EXPH5: variants seen among roughly 807,000 people sequenced by gnomAD.
The protein encoded by EXPH5 is exophilin-5.
Under a neutral mutation model 41.1 loss-of-function variants are expected in EXPH5, and 42 were observed. The observed-to-expected ratio is 1.02, with a 90% CI of 0.80 to 1.32. The LOEUF (loss-of-function observed/expected upper bound fraction) is 1.32. Ranked by LOEUF, EXPH5 falls within the 40% of genes most tolerant of loss-of-function variation. The pLI is 0.00. For synonymous variants in EXPH5, 798 were observed against 833.5 expected, an observed-to-expected ratio of 0.96 and a Z score of 0.73; for missense variants, 2,298 against 2,314.5, an observed-to-expected ratio of 0.99 and a Z score of 0.15.
intron 1 of EXPH5, among the ~76,000 whole-genome samples, chr11:108,563,790 C>G (rs2094022956): frequency 6.6e-6 from 1 of 152,164 alleles, no homozygotes; most frequent in Non-Finnish European, 1.5e-5. Flanking sequence ...GGAAAAGGAT[C>G]AAATCCTCTT....
In EXPH5 at chr11:108,541,757, A is replaced by G; in HGVS notation, c.175T>C (p.Trp59Arg). The G allele has an allele frequency of 1.9e-6, 3 of 1,612,902 alleles. No homozygotes were observed. The highest frequency in any genetic ancestry group is 1.7e-6 in the Non-Finnish European group (2 of 1,179,368). Residue 59 changes from tryptophan to arginine, a missense_variant, in exon 2 of 6, where the codon TGG becomes CGG. Transcript: ENST00000265843. ...IRWLQGVTGE[W>R]FEEIQRKKFC... Reference sequence around the variant, plus strand: ...TTTTTTCTTTGAATTTCTTCAAACCATTCACCAGTCACTCCCTGAAGCCAT... The same window carrying G: ...TTTTTTCTTTGAATTTCTTCAAACCGTTCACCAGTCACTCCCTGAAGCCAT...
the EXPH5 span, among the ~76,000 whole-genome samples, chr11:108,605,837 C>G: frequency 6.6e-6 from 1 of 152,252 alleles, no homozygotes; most frequent in Non-Finnish European, 1.5e-5. Context: ...GGCAGGACTG[C>G]AGAACCTCCC....
At chr11:108,573,198 AAAAGAAAG>A (rs144108239) in intron 1 of EXPH5, among the ~76,000 whole-genome samples, 1 of 108,226 alleles carries the variant, frequency 9.2e-6, no homozygotes, top group Non-Finnish European at 1.9e-5. Context: ...GAAAGAAAGA[AAAAGAAAG>A]AAAGAAAGAA....
At chr11:108,557,429 C>T (rs1414002572) in intron 1 of EXPH5, among the ~76,000 whole-genome samples, 1 of 152,144 alleles carries the variant, frequency 6.6e-6, no homozygotes, top group Non-Finnish European at 1.5e-5. Flanking sequence ...TTGCAACCTC[C>T]GCCTCCTGGG....
At position 108,505,472 on chromosome 11, in the gene EXPH5, TA is replaced by T. The variant is rs1377217009; in HGVS notation, c.*4064del. ...ATTTATTTCAATACAGGCATTGTTT[TA>T]AATTTGCACCTTGTCTTTAACACAT... On this transcript the variant is annotated 3_prime_UTR_variant, in exon 6 of 6. Coordinates refer to ENST00000265843, the MANE Select transcript of EXPH5 (RefSeq NM_015065.3). 1.3e-5 allele frequency: 2 copies of T among 152,266 alleles called. No individual in the cohort carries two copies. The highest frequency in any genetic ancestry group is 4.8e-5 in the African/African-American group (2 of 41,470). The allele number at this position is 152,266 out of a possible 1,614,324, so 9.4% of individuals were successfully genotyped here.
intron 1 of EXPH5, among the ~76,000 whole-genome samples, chr11:108,589,396 C>T (rs1242197836): frequency 6.6e-6 from 1 of 152,118 alleles, no homozygotes; most frequent in African/African-American, 2.4e-5. Context: ...CAGCTGCCAC[C>T]AGCTATAGAC....
chr11:108,548,889 A>T (rs2093951168), intron 1 of EXPH5, among the ~76,000 whole-genome samples: 1 of 152,240 alleles, frequency 6.6e-6, no homozygotes, highest in African/African-American at 2.4e-5. Context: ...CTAAACATAA[A>T]GTGGAAGTGT....
chr11:108,534,904 C>T (rs2093869273), intron 3 of EXPH5, among the ~76,000 whole-genome samples: 1 of 152,200 alleles, frequency 6.6e-6, no homozygotes, highest in Admixed American at 6.5e-5. Flanking sequence ...AGTTCTGTGG[C>T]GTGCTGCCTG....
the EXPH5 span, among the ~76,000 whole-genome samples, chr11:108,606,543 A>T: frequency 3.3e-5 from 5 of 152,140 alleles, no homozygotes; most frequent in Non-Finnish European, 5.9e-5. Flanking sequence ...TTTTAAAAAA[A>T]TGGATTTTAA....
rs1489071978 is a variant in EXPH5, at chr11:108,565,327, C to T, written c.120-23515G>A. Among the ~76,000 whole-genome samples, 3 of 152,160 alleles carry T rather than the reference C, an allele frequency of 2.0e-5. No homozygotes were observed. In the East Asian group the frequency reaches 5.8e-4, roughly 29 times the overall value. ...GCCAAGCAAATGGCAAAATTGGCAACTCTTGGCATTTGCTTCAGAGTGTAA... is the reference window on the plus strand; with the variant it reads ...GCCAAGCAAATGGCAAAATTGGCAATTCTTGGCATTTGCTTCAGAGTGTAA... On this transcript the variant is annotated intron_variant, in intron 1 of 5. Transcript: ENST00000265843.
chr11:108,537,089 G>A (rs1405805089), intron 3 of EXPH5, among the ~76,000 whole-genome samples: 1 of 152,158 alleles, frequency 6.6e-6, no homozygotes, highest in Non-Finnish European at 1.5e-5. Context: ...GATCAACACT[G>A]CCAAAGAAAG....
chr11:108,511,583 T>C lies in EXPH5; in HGVS notation c.3924A>G (p.Thr1308=). 6.2e-7 allele frequency: 1 copy of C among 1,613,446 alleles called. No homozygotes were observed. The highest frequency in any genetic ancestry group is 8.5e-7 in the Non-Finnish European group (1 of 1,179,854). ...QNYSTREQSG[T]PSCENLKMSV... ...ACATCTTTAGATTTTCACATGAAGG[T>C]GTTCCTGACTGCTCTCGTGTAGAAT... Residue 1308 remains threonine (T), a synonymous_variant, in exon 6 of 6, where the codon ACA becomes ACG. Coordinates refer to ENST00000265843, the MANE Select transcript of EXPH5 (RefSeq NM_015065.3).
chr11:108,534,466 C>T (rs1389676203), intron 3 of EXPH5, among the ~76,000 whole-genome samples: 1 of 152,250 alleles, frequency 6.6e-6, no homozygotes, highest in Non-Finnish European at 1.5e-5. Flanking sequence ...TAACAGCCCT[C>T]ACCTTGTACT....
intron 1 of EXPH5, among the ~76,000 whole-genome samples, chr11:108,542,099 C>G: frequency 6.6e-6 from 1 of 152,112 alleles, no homozygotes; most frequent in African/African-American, 2.4e-5. Flanking sequence ...AGGCTGGTCT[C>G]GAACTCCTGA....
rs148542550 is a variant in EXPH5 at position 108,589,220 on chromosome 11, G to A, written c.119+4198C>T. Among the ~76,000 whole-genome samples, 303 of 152,280 alleles carry A rather than the reference G, an allele frequency of 2.0e-3. 1 individual carries two copies. Among genetic ancestry groups the A allele is most frequent in the African/African-American group, 6.8e-3 (281 of 41,548 alleles). ...ACTGTATTCTCAGGGCCAATCCAGT[G>A]TCTGGCACACAGTAAAAAGCCCAAT... On this transcript the variant is annotated intron_variant, in intron 1 of 5. Coordinates refer to ENST00000265843, the MANE Select transcript of EXPH5 (RefSeq NM_015065.3).
At chr11:108,522,351 T>C (rs1466471210) in intron 4 of EXPH5, among the ~76,000 whole-genome samples, 1 of 152,226 alleles carries the variant, frequency 6.6e-6, no homozygotes, top group African/African-American at 2.4e-5. Context: ...TTGATTATTC[T>C]AGGCAATGTG....
Position 108,514,206 on chromosome 11 carries a change from T to G in EXPH5, c.1301A>C (p.Glu434Ala). Residue 434 changes from glutamate (E) to alanine (A), a missense_variant, in exon 6 of 6, where the codon GAG becomes GCG. Transcript: ENST00000265843. ...YQRVSLNAPM[E>A]NAMSPDTFEN... is the part of the protein sequence containing the mutation. ...AAAAGTGTCGGGACTCATTGCATTC[T>G]CCATGGGAGCATTTAAACTAACACG... The G allele has an allele frequency of 1.9e-6, 3 of 1,614,230 alleles. No individual in the cohort carries two copies. Among genetic ancestry groups the G allele is most frequent in the Non-Finnish European group, 2.5e-6 (3 of 1,180,026 alleles).
In EXPH5 at chr11:108,593,551, G is replaced by GT. The variant is rs781309042; in HGVS notation, c.-16dup. The GT allele has an allele frequency of 7.4e-6, 12 of 1,614,130 alleles. No homozygotes were observed. Among genetic ancestry groups the GT allele is most frequent in the Non-Finnish European group, 1.0e-5 (12 of 1,180,000 alleles). The stretch of plus-strand genomic sequence containing the variant: ...ACTTTCGTCATTTTCTTTACTGTGT[G>GT]TGAGTTACACTTAAGCTCCTTGGCG... On this transcript the variant is annotated 5_prime_UTR_variant, in exon 1 of 6. Transcript: ENST00000265843.
In EXPH5 at chr11:108,509,712, G is replaced by A. The variant is rs150472827; in HGVS notation, c.5795C>T (p.Pro1932Leu). 15 of 1,609,292 alleles carry A rather than the reference G, an allele frequency of 9.3e-6. No homozygotes were observed. In the African/African-American group the frequency reaches 1.7e-4, roughly 19 times the overall value. Residue 1932 changes from proline to leucine, a missense_variant, in exon 6 of 6, where the codon CCC (proline) becomes CTC (leucine). Transcript: ENST00000265843. ...AGAATTTGAGCTTAATGACTCTGAG[G>A]GGTTGGGAGGGTTCCTCAAATCATC... ...LKDDLRNPPNPSESLSSNSPS... is the reference protein window; with the variant it reads ...LKDDLRNPPNLSESLSSNSPS...
Sources: gnomAD v4.1 joint callset for allele counts (sites outside exome capture counted in the v4.1 genomes callset) on GRCh38, gnomAD v4.1.1 for gene constraint, MANE v1.5 for transcripts, NCBI Gene and HGNC (gene_info 2026-07-23, HGNC 2026-07-21) for gene names.